The following DNA2 variants were observed in gnomAD, a reference collection of about 807,000 sequenced individuals.
The protein encoded by DNA2 is DNA replication ATP-dependent helicase/nuclease DNA2.
In DNA2, 101 loss-of-function variants were observed where a neutral mutation model predicts 119.1. The ratio of observed to expected loss-of-function variants is 0.85; its 90% CI spans 0.72 to 1.00. The LOEUF is 1.00. DNA2 is among the 50% of genes least tolerant of loss of function. The pLI is 0.00. For synonymous variants in DNA2, 366 were observed against 424.4 expected (o/e 0.86, Z 1.69); for missense variants, 1,121 against 1,255.5 (o/e 0.89, Z 1.62).
intron 19 of DNA2, among the ~76,000 whole-genome samples, chr10:68,418,376 C>T (rs1478632805): frequency 6.9e-6 from 1 of 144,756 alleles, no homozygotes; most frequent in African/African-American, 2.6e-5. Context: ...CGCACTACTG[C>T]ATGCCAGCCT....
rs976219317 is a variant in DNA2, at chr10:68,424,529, G to A, written c.2209-1639C>T. 4 of 732,386 alleles carry A rather than the reference G, an allele frequency of 5.5e-6. No homozygotes were observed. In the African/African-American group the frequency reaches 7.0e-5, roughly 13 times the overall value. 45.4% of individuals were successfully genotyped at this position (732,386 alleles called of 1,614,324 possible). On this transcript the variant is annotated intron_variant, in intron 14 of 20. Transcript: ENST00000358410. Reference sequence around the variant, plus strand: ...AAAAAAAAAAAAAAAAACAAAACAGGCCTGAGGCCGCCGCTAGCCGGAGCA... The same window carrying A: ...AAAAAAAAAAAAAAAAACAAAACAGACCTGAGGCCGCCGCTAGCCGGAGCA...
chr10:68,442,819 A>T, intron 9 of DNA2, 98 bp downstream of exon 9: 1 of 1,018,632 alleles, frequency 9.8e-7, no homozygotes. Flanking sequence ...CGTTATCTAT[A>T]ACATGCTTCA....
At chr10:68,460,547 A>G (rs1281560978) in intron 4 of DNA2, among the ~76,000 whole-genome samples, 1 of 151,478 alleles carries the variant, frequency 6.6e-6, no homozygotes, top group Non-Finnish European at 1.5e-5. Flanking sequence ...AGCTGGAACC[A>G]TAGACATATG....
In DNA2 at chr10:68,442,127, C is replaced by G. The variant is rs1214277869; in HGVS notation, c.1415+790G>C. 2.6e-5 allele frequency among the ~76,000 whole-genome samples: 4 copies of G among 152,030 alleles called. No individual in the cohort carries two copies. In the South Asian group the frequency reaches 8.3e-4, roughly 32 times the overall value. On this transcript the variant is annotated intron_variant, in intron 9 of 20. Coordinates refer to ENST00000358410, the MANE Select transcript of DNA2 (RefSeq NM_001080449.3). Reference sequence around the variant, plus strand: ...ACAGGGTTTTGCCATGTTGCCCAGGCGGGTCTCAAACTGGTGAGCTGAAGT... The same window carrying G: ...ACAGGGTTTTGCCATGTTGCCCAGGGGGGTCTCAAACTGGTGAGCTGAAGT...
At chr10:68,447,618 A>C (rs796562807) in intron 6 of DNA2, among the ~76,000 whole-genome samples, 1 of 150,532 alleles carries the variant, frequency 6.6e-6, no homozygotes, top group Non-Finnish European at 1.5e-5. Context: ...GACCCTGGGA[A>C]GTAAAGGCTG....
chr10:68,441,167 T>TA (rs1327381945), intron 9 of DNA2, among the ~76,000 whole-genome samples: 5,559 of 142,278 alleles, frequency 0.039, 291 homozygotes, highest in African/African-American at 0.13. Context: ...ACCCCATCTC[T>TA]AAAAAAAAAA....
At chr10:68,471,107 G>C (rs1323081090) in intron 1 of DNA2, among the ~76,000 whole-genome samples, 1 of 152,188 alleles carries the variant, frequency 6.6e-6, no homozygotes, top group Non-Finnish European at 1.5e-5. Flanking sequence ...AGGGACCAAA[G>C]GAGGGTCCAA....
At chr10:68,436,913 C>G in intron 10 of DNA2, 98 bp downstream of exon 10, 1 of 985,774 alleles carries the variant, frequency 1.0e-6, no homozygotes, top group Non-Finnish European at 1.5e-6. Flanking sequence ...TGTGAATATA[C>G]TAAAAACCAG....
chr10:68,424,188 A>C (rs2051703978), intron 14 of DNA2, among the ~76,000 whole-genome samples: 1 of 152,106 alleles, frequency 6.6e-6, no homozygotes, highest in African/African-American at 2.4e-5. Flanking sequence ...GAAAGAATAA[A>C]ATGGAAATTT....
intron 9 of DNA2, among the ~76,000 whole-genome samples, chr10:68,439,402 G>GAA: frequency 6.6e-6 from 1 of 151,256 alleles, no homozygotes; most frequent in South Asian, 2.1e-4. Context: ...CTCAAAAAAA[G>GAA]AAAAAAAAAT....
intron 6 of DNA2, 65 bp downstream of exon 6, chr10:68,449,963 G>A (rs1230371173): frequency 4.4e-6 from 5 of 1,145,608 alleles, no homozygotes; most frequent in Non-Finnish European, 6.0e-6. Flanking sequence ...GACAGAACAA[G>A]ACTCTGTCTC....
In DNA2 at chr10:68,446,511, A is replaced by C. The variant is rs77178607; in HGVS notation, c.940-98T>G. ...CACATAATTTTAAACTCAAAAGATC[A>C]ATAAAGTTATTTCTATTTAATAAGT... On this transcript the variant is annotated intron_variant, in intron 6 of 20. Transcript: ENST00000358410. 7.6e-3 allele frequency: 5,639 copies of C among 744,328 alleles called. 216 individuals are homozygous for C. In the African/African-American group the frequency reaches 0.09, roughly 12 times the overall value. 46.1% of individuals were successfully genotyped at this position (744,328 alleles called of 1,614,324 possible).
At position 68,415,050 on chromosome 10, in the gene DNA2, G is replaced by T. The variant is rs748735542; in HGVS notation, c.3172C>A (p.Gln1058Lys). ...AGGGAAATAGTGTTTTATTCTCTTTGAAAGTCACCCAATATGTGGCAAAGA... is the reference window on the plus strand; with the variant it reads ...AGGGAAATAGTGTTTTATTCTCTTTTAAAGTCACCCAATATGTGGCAAAGA... ...ESLCHILGDF[Q>K]RE Residue 1058 changes from glutamine (Q) to lysine (K), a missense_variant, in exon 21 of 21, where the codon CAA becomes AAA. Gln to Lys is a moderately conservative substitution (Grantham distance 53). Transcript: ENST00000358410. The T allele has an allele frequency of 5.1e-6, 8 of 1,579,254 alleles. No individual in the cohort carries two copies. The highest frequency in any genetic ancestry group is 6.0e-6 in the Non-Finnish European group (7 of 1,159,960).
At chr10:68,435,728 A>T (rs188526988) in intron 10 of DNA2, among the ~76,000 whole-genome samples, 8 of 152,240 alleles carry the variant, frequency 5.3e-5, no homozygotes, top group Non-Finnish European at 1.2e-4. Flanking sequence ...TGCTGGGATT[A>T]CAGACGTGAG....
At chr10:68,433,604 A>AC (rs1394148603) in intron 10 of DNA2, among the ~76,000 whole-genome samples, 1 of 152,066 alleles carries the variant, frequency 6.6e-6, no homozygotes, top group Non-Finnish European at 1.5e-5. Flanking sequence ...ATCATGGCTC[A>AC]CTGTAGCCTT....
chr10:68,467,400 C>T (rs1441700465), intron 3 of DNA2, among the ~76,000 whole-genome samples: 1 of 151,652 alleles, frequency 6.6e-6, no homozygotes, highest in African/African-American at 2.4e-5. Context: ...TAAGCCACTG[C>T]GCCCAGCCCC....
intron 9 of DNA2, among the ~76,000 whole-genome samples, chr10:68,438,153 C>G (rs974859275): frequency 6.6e-6 from 1 of 152,118 alleles, no homozygotes; most frequent in Non-Finnish European, 1.5e-5. Context: ...GTAGATACCC[C>G]CACTTCTTGG....
At chr10:68,417,320 T>C (rs554866987) in intron 19 of DNA2, among the ~76,000 whole-genome samples, 88 of 147,770 alleles carry the variant, frequency 6.0e-4, no homozygotes, top group African/African-American at 2.2e-3. Flanking sequence ...TTATTACGTA[T>C]ATTTTAAAAC....
intron 10 of DNA2, 35 bp from the exon 11 acceptor site, chr10:68,432,545 C>T: frequency 8.7e-7 from 1 of 1,154,334 alleles, no homozygotes; most frequent in Non-Finnish European, 1.3e-6. Flanking sequence ...TGAATGCTCG[C>T]CATTTCGCAT....
Sources: allele counts gnomAD v4.1 joint callset (sites outside exome capture counted in the v4.1 genomes callset), GRCh38; gene constraint gnomAD v4.1.1; transcripts MANE v1.5; gene names NCBI Gene and HGNC (gene_info 2026-07-23, HGNC 2026-07-21).